Variants in PTPRM observed in about 807,000 individuals in gnomAD.
PTPRM encodes the protein protein tyrosine phosphatase receptor type M.
In PTPRM, 47 loss-of-function variants were observed where a neutral mutation model predicts 186.7. That is an observed-to-expected ratio of 0.25 (90% confidence interval 0.20 to 0.32). The LOEUF is 0.32. PTPRM is among the 10% of genes least tolerant of loss of function. PTPRM has a pLI of 1.00. For synonymous variants in PTPRM, 668 were observed against 674.9 expected, an observed-to-expected ratio of 0.99 and a Z score of 0.16; for missense variants, 1,494 against 1,865.0, an observed-to-expected ratio of 0.80 and a Z score of 3.66.
At chr18:8,224,487 G>C (rs1202504415) in intron 14 of PTPRM, among the ~76,000 whole-genome samples, 1 of 152,164 alleles carries the variant, frequency 6.6e-6, no homozygotes, top group Non-Finnish European at 1.5e-5. Flanking sequence ...TTTCTCTACA[G>C]ATTGCCATTG....
intron 1 of PTPRM, among the ~76,000 whole-genome samples, chr18:7,613,672 CAAA>C (rs78083328): frequency 7.7e-6 from 1 of 129,500 alleles, no homozygotes. Context: ...GACTCCGTCT[CAAA>C]AAAAAAAAAA....
intron 14 of PTPRM, among the ~76,000 whole-genome samples, chr18:8,166,947 T>C (rs1353983456): frequency 5.3e-5 from 8 of 152,054 alleles, no homozygotes; most frequent in African/African-American, 1.9e-4. Flanking sequence ...CAGCTGAAAA[T>C]TCTGTGACTT....
chr18:7,716,349 A>C (rs1159628820), intron 1 of PTPRM, among the ~76,000 whole-genome samples: 1 of 152,196 alleles, frequency 6.6e-6, no homozygotes, highest in East Asian at 1.9e-4. Context: ...AGATGGATTA[A>C]AGACTTAAAC....
Position 8,058,134 on chromosome 18 carries a change from A to C in PTPRM, c.1133-11552A>C, listed in dbSNP as rs1252745048. On this transcript the variant is annotated intron_variant, in intron 7 of 32. Coordinates refer to ENST00000580170, the MANE Select transcript of PTPRM (RefSeq NM_001105244.2). ...GCACCTGTTGTGTCCTGACTTTTTA[A>C]TGATTGCCATTCTAACTGGTGTGAG... Among the ~76,000 whole-genome samples the C allele has an allele frequency of 1.1e-4, 14 of 130,726 alleles. No homozygotes were observed. In the East Asian group the frequency reaches 3.1e-3, roughly 29 times the overall value. 85.8% of individuals were successfully genotyped at this position (130,726 alleles called of 152,430 possible).
intron 14 of PTPRM, among the ~76,000 whole-genome samples, chr18:8,168,831 T>C (rs1310366357): frequency 6.6e-6 from 1 of 152,212 alleles, no homozygotes; most frequent in African/African-American, 2.4e-5. Flanking sequence ...ATCTTTGCAA[T>C]GGAATGCCCC....
At chr18:8,215,871 ATGC>A (rs1417793642) in intron 14 of PTPRM, among the ~76,000 whole-genome samples, 3 of 152,096 alleles carry the variant, frequency 2.0e-5, no homozygotes, top group African/African-American at 7.2e-5. Flanking sequence ...GTTCCTTGAG[ATGC>A]AGAGTAACCG....
intron 14 of PTPRM, among the ~76,000 whole-genome samples, chr18:8,222,245 A>G (rs2094161977): frequency 6.6e-6 from 1 of 152,212 alleles, no homozygotes; most frequent in Admixed American, 6.5e-5. Context: ...ACTGGAAAAG[A>G]CACCTTTCAT....
chr18:7,866,247 C>A (rs1440394898), intron 2 of PTPRM, among the ~76,000 whole-genome samples: 1 of 151,948 alleles, frequency 6.6e-6, no homozygotes, highest in Admixed American at 6.6e-5. Flanking sequence ...TTTGTTTGTT[C>A]TTGCTTCTCT....
chr18:8,286,181 T>G (rs939684195), intron 19 of PTPRM, among the ~76,000 whole-genome samples: 1 of 152,224 alleles, frequency 6.6e-6, no homozygotes, highest in Non-Finnish European at 1.5e-5. Flanking sequence ...CTTTGTCACT[T>G]GCCTCTAGGG....
intron 23 of PTPRM, among the ~76,000 whole-genome samples, chr18:8,360,205 GTAA>G (rs1245833944): frequency 6.6e-6 from 1 of 152,240 alleles, no homozygotes; most frequent in Non-Finnish European, 1.5e-5. Context: ...AAGGAGAAAT[GTAA>G]TTCAGTAGGC....
intron 13 of PTPRM, among the ~76,000 whole-genome samples, chr18:8,135,468 T>C (rs1335781504): frequency 6.6e-6 from 1 of 151,678 alleles, no homozygotes; most frequent in East Asian, 1.9e-4. Context: ...GATTCCTGGG[T>C]CCTACCTCAG....
intron 7 of PTPRM, among the ~76,000 whole-genome samples, chr18:8,009,612 G>A (rs965198019): frequency 6.6e-6 from 1 of 152,156 alleles, no homozygotes; most frequent in Admixed American, 6.5e-5. Flanking sequence ...GGAGTCTGAG[G>A]CAGGAGAATC....
intron 11 of PTPRM, 40 bp downstream of exon 11, chr18:8,088,891 A>G: frequency 1.4e-6 from 2 of 1,446,490 alleles, no homozygotes; most frequent in Non-Finnish European, 1.9e-6. Context: ...GATAGAAGAA[A>G]ACTAAATCAA....
At chr18:8,397,734 G>A (rs902422235) in intron 32 of PTPRM, among the ~76,000 whole-genome samples, 1 of 150,316 alleles carries the variant, frequency 6.7e-6, no homozygotes, top group Admixed American at 6.6e-5. Flanking sequence ...AGAGACTCCG[G>A]CTGCAGGAAA....
chr18:7,888,886 A>T (rs558604076), intron 3 of PTPRM, among the ~76,000 whole-genome samples: 264 of 152,340 alleles, frequency 1.7e-3, no homozygotes, highest in Non-Finnish European at 3.1e-3. Context: ...CAAATGCTGC[A>T]TGTTTTTACT....
chr18:8,355,721 A>G (rs1056699745), intron 23 of PTPRM, among the ~76,000 whole-genome samples: 5 of 152,240 alleles, frequency 3.3e-5, no homozygotes, highest in African/African-American at 1.2e-4. Flanking sequence ...GATTACATGC[A>G]ACAGAAATCA....
intron 23 of PTPRM, among the ~76,000 whole-genome samples, chr18:8,351,046 C>G (rs2148321554): frequency 6.6e-6 from 1 of 152,254 alleles, no homozygotes; most frequent in Admixed American, 6.5e-5. Context: ...TTGAAATGTC[C>G]ACATGTGACT....
intron 22 of PTPRM, among the ~76,000 whole-genome samples, chr18:8,320,079 A>T (rs1019078371): frequency 2.0e-5 from 3 of 152,202 alleles, no homozygotes; most frequent in African/African-American, 7.2e-5. Flanking sequence ...GAGAAGACCC[A>T]GCTAAGGCTG....
chr18:8,326,385 A>G (rs778571130), intron 22 of PTPRM, among the ~76,000 whole-genome samples: 4 of 152,234 alleles, frequency 2.6e-5, no homozygotes, highest in Non-Finnish European at 1.5e-5. Flanking sequence ...ATTCAATGCT[A>G]TTCCTATCAA....
Sources: allele counts gnomAD v4.1 joint callset (sites outside exome capture counted in the v4.1 genomes callset), GRCh38; gene constraint gnomAD v4.1.1; transcripts MANE v1.5; gene names NCBI Gene and HGNC (gene_info 2026-07-23, HGNC 2026-07-21).